UNC13C: variants seen among roughly 807,000 people sequenced by gnomAD.
UNC13C encodes the protein unc-13 homolog C, also known as protein unc-13 homolog C.
Under a neutral mutation model 245.4 loss-of-function variants are expected in UNC13C, and 174 were observed. That is an observed-to-expected ratio of 0.71 (90% CI 0.63 to 0.80). The LOEUF (loss-of-function observed/expected upper bound fraction) is 0.80, where lower values mean the gene tolerates loss of function less well. Ranked by LOEUF, UNC13C falls within the 30% of genes least tolerant of loss-of-function variation. The pLI is 0.00. For synonymous variants in UNC13C, 992 were observed against 895.1 expected, an observed-to-expected ratio of 1.11 and a Z score of -1.93; for missense variants, 2,829 against 2,602.9, an observed-to-expected ratio of 1.09 and a Z score of -1.89.
chr15:54,012,256 T>C lies in UNC13C; in HGVS notation c.-256-392T>C, dbSNP rs188684650. Among the ~76,000 whole-genome samples the C allele has an allele frequency of 8.5e-5, 13 of 152,318 alleles. No individual in the cohort carries two copies. The East Asian group carries it at 2.5e-3, about 29-fold the overall frequency. ...GAATATCTTGGATGTGAGGGGAATA[T>C]ACATAGATTTAAATCCTTACATTTG... On this transcript the variant is annotated intron_variant, in intron 1 of 32. Transcript: ENST00000260323.
At chr15:54,560,893 G>A (rs2098972987) in intron 29 of UNC13C, among the ~76,000 whole-genome samples, 1 of 151,952 alleles carries the variant, frequency 6.6e-6, no homozygotes, top group African/African-American at 2.4e-5. Context: ...CAGGCATATA[G>A]AAAACGCTTC....
At position 54,013,969 on chromosome 15, in the gene UNC13C, A is replaced by C; in HGVS notation, c.1066A>C (p.Lys356Gln). Residue 356 changes from lysine to glutamine, a missense_variant, in exon 2 of 33, where the codon AAA (lysine) becomes CAA (glutamine). Lys to Gln is a moderately conservative substitution (Grantham distance 53). Coordinates refer to ENST00000260323, the MANE Select transcript of UNC13C (RefSeq NM_001080534.3). ...TTTTTCAGATGCACCAAATGCTATTAAAATTGAATTTGCTCAGAGGATAGG... is the reference window on the plus strand; with the variant it reads ...TTTTTCAGATGCACCAAATGCTATTCAAATTGAATTTGCTCAGAGGATAGG... ...MGFSDAPNAI[K>Q]IEFAQRIGHQ... 1 of 1,613,822 alleles carries C rather than the reference A, an allele frequency of 6.2e-7. No individual in the cohort carries two copies. Among genetic ancestry groups the C allele is most frequent in the African/African-American group, 1.3e-5 (1 of 75,036 alleles).
chr15:54,028,705 T>TTTTTTTTTTTTTCG (rs1555405205), intron 2 of UNC13C, among the ~76,000 whole-genome samples: 1 of 147,478 alleles, frequency 6.8e-6, no homozygotes, highest in Admixed American at 6.8e-5. Flanking sequence ...TTTTTTTTTT[T>TTTTTTTTTTTTTCG]GAGACGGAGT....
At chr15:53,934,343 T>C in the UNC13C span, among the ~76,000 whole-genome samples, 54 of 152,326 alleles carry the variant, frequency 3.5e-4, no homozygotes, top group African/African-American at 1.3e-3. Flanking sequence ...GTACCTATAA[T>C]TGTCTACTGA....
chr15:54,370,885 A>G (rs1465919772), intron 17 of UNC13C, among the ~76,000 whole-genome samples: 1 of 152,162 alleles, frequency 6.6e-6, no homozygotes, highest in African/African-American at 2.4e-5. Context: ...TATAAACTTA[A>G]AAAGTTTTTA....
At chr15:54,216,568 A>G (rs1389128021) in intron 4 of UNC13C, among the ~76,000 whole-genome samples, 1 of 151,908 alleles carries the variant, frequency 6.6e-6, no homozygotes, top group Non-Finnish European at 1.5e-5. Context: ...TCCCTACTTC[A>G]ATGGAGTCAC....
chr15:54,122,585 GA>G (rs929417613), intron 2 of UNC13C, among the ~76,000 whole-genome samples: 18 of 151,362 alleles, frequency 1.2e-4, no homozygotes, highest in South Asian at 2.1e-4. Context: ...AATCAAGATA[GA>G]AAAAAAAATT....
chr15:54,221,985 G>A (rs1567111052), intron 4 of UNC13C, among the ~76,000 whole-genome samples: 1 of 151,836 alleles, frequency 6.6e-6, no homozygotes, highest in African/African-American at 2.4e-5. Context: ...TACATAGTAG[G>A]TATAGATATT....
intron 17 of UNC13C, among the ~76,000 whole-genome samples, chr15:54,379,807 A>T (rs1008192784): frequency 1.3e-5 from 2 of 152,146 alleles, no homozygotes. Flanking sequence ...ATAAGTTGCA[A>T]TTCACACTTT....
chr15:54,030,496 T>TTAG (rs936268508), intron 2 of UNC13C, among the ~76,000 whole-genome samples: 2 of 152,284 alleles, frequency 1.3e-5, no homozygotes, highest in African/African-American at 2.4e-5. Flanking sequence ...GAAATTATTG[T>TTAG]TAGTAGTAGT....
chr15:54,039,644 G>A (rs962915271), intron 2 of UNC13C, among the ~76,000 whole-genome samples: 10 of 151,832 alleles, frequency 6.6e-5, no homozygotes, highest in East Asian at 5.8e-4. Flanking sequence ...TGGCATTCTC[G>A]GTGATCCCAT....
chr15:54,553,439 T>G (rs1045866417), intron 28 of UNC13C, among the ~76,000 whole-genome samples: 3 of 135,152 alleles, frequency 2.2e-5, no homozygotes, highest in African/African-American at 8.2e-5. Context: ...TAATATATAA[T>G]ATAATTATAA....
chr15:54,285,944 C>A (rs1596146609), intron 10 of UNC13C, among the ~76,000 whole-genome samples: 1 of 151,978 alleles, frequency 6.6e-6, no homozygotes, highest in African/African-American at 2.4e-5. Flanking sequence ...GTGGTGTTAT[C>A]TCAGTTCAAT....
chr15:54,444,773 C>G (rs186878792), intron 19 of UNC13C, among the ~76,000 whole-genome samples: 1 of 151,630 alleles, frequency 6.6e-6, no homozygotes, highest in African/African-American at 2.4e-5. Flanking sequence ...AGGTGTAGAA[C>G]TGGCTTAAGA....
At chr15:54,377,242 A>G (rs1268701846) in intron 17 of UNC13C, among the ~76,000 whole-genome samples, 1 of 152,222 alleles carries the variant, frequency 6.6e-6, no homozygotes, top group East Asian at 1.9e-4. Flanking sequence ...AAGCATTGAG[A>G]ATTGCATTTC....
chr15:53,984,820 G>A (rs1894063425), intron 1 of UNC13C, among the ~76,000 whole-genome samples: 1 of 152,018 alleles, frequency 6.6e-6, no homozygotes, highest in African/African-American at 2.4e-5. Context: ...GTCCTAAAAT[G>A]GGAATGACTG....
At chr15:54,294,667 T>C (rs2037384577) in intron 11 of UNC13C, among the ~76,000 whole-genome samples, 1 of 152,156 alleles carries the variant, frequency 6.6e-6, no homozygotes, top group African/African-American at 2.4e-5. Flanking sequence ...TAACATAGAA[T>C]TTTCTGTGGT....
chr15:54,430,267 T>C (rs2040845769), intron 19 of UNC13C, among the ~76,000 whole-genome samples: 1 of 151,706 alleles, frequency 6.6e-6, no homozygotes, highest in Admixed American at 6.6e-5. Flanking sequence ...ACATTTAGTT[T>C]TTTACTCTTC....
At chr15:54,372,423 AATAAG>A (rs1274510956) in intron 17 of UNC13C, among the ~76,000 whole-genome samples, 1 of 152,130 alleles carries the variant, frequency 6.6e-6, no homozygotes, top group African/African-American at 2.4e-5. Flanking sequence ...ATAAAAAGAT[AATAAG>A]ATAAGCACCT....
Sources: allele counts gnomAD v4.1 joint callset (sites outside exome capture counted in the v4.1 genomes callset), GRCh38; gene constraint gnomAD v4.1.1; transcripts MANE v1.5; gene names NCBI Gene and HGNC (gene_info 2026-07-23, HGNC 2026-07-21).